SEMA5A: variants seen among roughly 807,000 people sequenced by gnomAD.
SEMA5A encodes the protein semaphorin 5A.
A neutral mutation model predicts 135.5 loss-of-function variants in SEMA5A; 55 were observed. The observed-to-expected ratio is 0.41, with a 90% confidence interval of 0.33 to 0.51. SEMA5A has a LOEUF of 0.51. SEMA5A is among the 20% of genes least tolerant of loss of function. SEMA5A has a pLI of 0.37. For missense variants in SEMA5A, 1,290 were observed against 1,419.9 expected, an observed-to-expected ratio of 0.91 and a Z score of 1.47; for synonymous variants, 580 against 546.5, an observed-to-expected ratio of 1.06 and a Z score of -0.85.
chr5:9,366,066 T>C (rs1008726368), intron 3 of SEMA5A, among the ~76,000 whole-genome samples: 1 of 152,212 alleles, frequency 6.6e-6, no homozygotes, highest in African/African-American at 2.4e-5. Flanking sequence ...ATATTTCTAA[T>C]GGATATTCTA....
At chr5:9,361,976 C>G (rs1754716864) in intron 3 of SEMA5A, among the ~76,000 whole-genome samples, 1 of 152,162 alleles carries the variant, frequency 6.6e-6, no homozygotes, top group Non-Finnish European at 1.5e-5. Flanking sequence ...GTTAAGGCCC[C>G]TGCTGGCAAG....
At chr5:9,432,201 A>G (rs918352156) in intron 2 of SEMA5A, among the ~76,000 whole-genome samples, 1 of 152,206 alleles carries the variant, frequency 6.6e-6, no homozygotes, top group Non-Finnish European at 1.5e-5. Flanking sequence ...ATGGCCTCAC[A>G]GAGATTTTCC....
chr5:9,346,076 A>G (rs1028343392), intron 3 of SEMA5A, among the ~76,000 whole-genome samples: 7 of 151,760 alleles, frequency 4.6e-5, no homozygotes, highest in African/African-American at 1.7e-4. Flanking sequence ...TTCCTAAACC[A>G]CCCATGTTCC....
intron 8 of SEMA5A, among the ~76,000 whole-genome samples, chr5:9,220,984 A>G (rs1217924995): frequency 4.6e-5 from 7 of 152,200 alleles, no homozygotes; most frequent in Non-Finnish European, 1.0e-4. Context: ...CTGATGGGAC[A>G]GGGACTTACC....
chr5:9,532,754 G>T (rs954441088), intron 1 of SEMA5A, among the ~76,000 whole-genome samples: 1 of 152,174 alleles, frequency 6.6e-6, no homozygotes, highest in Non-Finnish European at 1.5e-5. Flanking sequence ...CACAGATAAA[G>T]GTTGCCATGA....
chr5:9,338,755 G>C (rs547781294), intron 3 of SEMA5A, among the ~76,000 whole-genome samples: 1 of 152,160 alleles, frequency 6.6e-6, no homozygotes, highest in Non-Finnish European at 1.5e-5. Context: ...GAAAAAGTGT[G>C]TGATACAGGA....
intron 11 of SEMA5A, among the ~76,000 whole-genome samples, chr5:9,183,951 A>T (rs953740280): frequency 2.0e-5 from 3 of 152,138 alleles, no homozygotes; most frequent in Admixed American, 6.5e-5. Context: ...ATGTGTGTAT[A>T]TATTGTTCTA....
intron 11 of SEMA5A, among the ~76,000 whole-genome samples, chr5:9,160,582 A>G (rs1267326020): frequency 1.3e-5 from 2 of 152,338 alleles, no homozygotes; most frequent in East Asian, 3.9e-4. Context: ...ATGCCTGCCA[A>G]TGAGAAGAAG....
At chr5:9,535,100 C>A (rs180995817) in intron 1 of SEMA5A, among the ~76,000 whole-genome samples, 3 of 152,360 alleles carry the variant, frequency 2.0e-5, no homozygotes, top group East Asian at 3.9e-4. Context: ...CAGCTTCATC[C>A]TGAAGATCCT....
rs960441489 is a variant in SEMA5A at position 9,204,360 on chromosome 5, C to T, written c.647-2120G>A. Among the ~76,000 whole-genome samples the T allele has an allele frequency of 2.0e-5, 3 of 152,318 alleles. No homozygotes were observed. Among genetic ancestry groups the T allele is most frequent in the East Asian group, 1.9e-4 (1 of 5,186 alleles). ...ATACACTCACTATTACCCACTTCTG[C>T]TATTAACTTGGGGACAAATGGCATG... On this transcript the variant is annotated intron_variant, in intron 8 of 22. Coordinates refer to ENST00000382496, the MANE Select transcript of SEMA5A (RefSeq NM_003966.3). This position sits in a 1 kb window ranked among gnomAD's most constrained non-coding sequence, Gnocchi z 6.4.
intron 16 of SEMA5A, among the ~76,000 whole-genome samples, chr5:9,107,186 C>G (rs577918771): frequency 6.6e-5 from 10 of 152,292 alleles, no homozygotes; most frequent in African/African-American, 2.2e-4. Context: ...CAAACCTTTG[C>G]CACTGTCTGT....
chr5:9,121,563 G>A lies in SEMA5A; in HGVS notation c.1781+1093C>T, dbSNP rs148566741. On this transcript the variant is annotated intron_variant, in intron 14 of 22. Coordinates refer to ENST00000382496, the MANE Select transcript of SEMA5A (RefSeq NM_003966.3). Reference sequence around the variant, plus strand: ...GAGCAAAGAGTATTAGCTACTTGTTGTAATCTTCAAACAACAGCAGTTTGA... The same window carrying A: ...GAGCAAAGAGTATTAGCTACTTGTTATAATCTTCAAACAACAGCAGTTTGA... Among the ~76,000 whole-genome samples, 250 of 152,286 alleles carry A rather than the reference G, an allele frequency of 1.6e-3. 1 individual carries two copies. The highest frequency in any genetic ancestry group is 6.5e-3 in the East Asian group (34 of 5,192).
chr5:9,112,049 G>A (rs1212095233), intron 15 of SEMA5A, among the ~76,000 whole-genome samples: 4 of 152,180 alleles, frequency 2.6e-5, no homozygotes, highest in Non-Finnish European at 5.9e-5. Context: ...CAAAGAATGA[G>A]CTACAATGTT....
At position 9,052,849 on chromosome 5, in the gene SEMA5A, T is replaced by C. The variant is rs566931189; in HGVS notation, c.2690-821A>G. Among the ~76,000 whole-genome samples, 106 of 152,190 alleles carry C rather than the reference T, an allele frequency of 7.0e-4. 1 individual carries two copies. The highest frequency in any genetic ancestry group is 1.4e-3 in the Non-Finnish European group (94 of 68,026). ...CTGGATATTGTTTATGGAATTTTAA[T>C]CAGGATAAAAAGGTATTTTTCTATG... On this transcript the variant is annotated intron_variant, in intron 19 of 22. Coordinates refer to ENST00000382496, the MANE Select transcript of SEMA5A (RefSeq NM_003966.3).
chr5:9,276,780 T>C (rs928857768), intron 5 of SEMA5A, among the ~76,000 whole-genome samples: 62 of 152,138 alleles, frequency 4.1e-4, no homozygotes, highest in African/African-American at 1.4e-3. Context: ...TGAAACTGGA[T>C]CCCTTCCTTA....
At chr5:9,080,219 T>TA (rs1165630285) in intron 16 of SEMA5A, among the ~76,000 whole-genome samples, 2 of 152,034 alleles carry the variant, frequency 1.3e-5, no homozygotes, top group East Asian at 1.9e-4. Context: ...TATGCAGCCA[T>TA]AAAAAAGGAT....
chr5:9,214,491 G>C (rs1746508811), intron 8 of SEMA5A, among the ~76,000 whole-genome samples: 1 of 152,182 alleles, frequency 6.6e-6, no homozygotes, highest in Non-Finnish European at 1.5e-5. Context: ...TAAAATCCAA[G>C]AGACTTAGCT....
At chr5:9,338,372 A>G (rs992505525) in intron 3 of SEMA5A, among the ~76,000 whole-genome samples, 10 of 152,140 alleles carry the variant, frequency 6.6e-5, no homozygotes, top group Non-Finnish European at 4.4e-5. Context: ...AGTTACTTCT[A>G]GGCTTCATTT....
At chr5:9,235,559 G>A (rs959873735) in intron 6 of SEMA5A, among the ~76,000 whole-genome samples, 31 of 150,228 alleles carry the variant, frequency 2.1e-4, no homozygotes, top group African/African-American at 7.5e-4. Flanking sequence ...CGTGGGCTGG[G>A]AGTGTTAAGA....
Sources: allele counts gnomAD v4.1 joint callset (sites outside exome capture counted in the v4.1 genomes callset), GRCh38; gene constraint gnomAD v4.1.1; non-coding constraint Gnocchi (gnomAD v3.1); transcripts MANE v1.5; gene names NCBI Gene and HGNC (gene_info 2026-07-23, HGNC 2026-07-21).